Variants in TTC6 observed in about 807,000 individuals in gnomAD.
The protein encoded by TTC6 is tetratricopeptide repeat protein 6.
Under a neutral mutation model 210.4 loss-of-function variants are expected in TTC6, and 172 were observed. The ratio of observed to expected loss-of-function variants is 0.82; its 90% CI spans 0.72 to 0.93. TTC6 has a LOEUF of 0.93. Ranked by LOEUF, TTC6 falls within the 40% of genes least tolerant of loss-of-function variation. TTC6 has a pLI of 0.00. For missense variants in TTC6, 2,414 were observed against 2,318.1 expected (o/e 1.04, Z -0.85); for synonymous variants, 804 against 819.6 (o/e 0.98, Z 0.32).
intron 26 of TTC6, 90 bp downstream of exon 28, chr14:37,817,741 G>A: frequency 2.4e-6 from 3 of 1,263,470 alleles, no homozygotes; most frequent in Non-Finnish European, 3.4e-6. Context: ...GGAGAGAATG[G>A]AAGAAACTGG....
chr14:37,738,966 T>G (rs1161690169), exon 10 of TTC6: 1 of 1,535,332 alleles, frequency 6.5e-7, no homozygotes, highest in Non-Finnish European at 8.7e-7. Context: ...GATGACATCT[T>G]TGATAACATG....
chr14:37,693,289 A>G (rs1374403896), intron 3 of TTC6, among the ~76,000 whole-genome samples: 1 of 152,178 alleles, frequency 6.6e-6, no homozygotes, highest in Non-Finnish European at 1.5e-5. Context: ...AGTCCCATTT[A>G]CAAAATACCT....
chr14:37,606,881 C>A, intron 2 of TTC6, 139 bp downstream of exon 2: 1 of 586,478 alleles, frequency 1.7e-6, no homozygotes, highest in Non-Finnish European at 2.1e-6. Flanking sequence ...ACAGGAAAGG[C>A]TGCCTATGGG....
chr14:37,776,325 T>C (rs1389447963), intron 14 of TTC6, among the ~76,000 whole-genome samples: 1 of 152,144 alleles, frequency 6.6e-6, no homozygotes, highest in East Asian at 1.9e-4. Context: ...TCAAGGTTAG[T>C]GTTGATGTGT....
intron 10 of TTC6, among the ~76,000 whole-genome samples, chr14:37,740,489 A>T (rs1355023970): frequency 6.6e-6 from 1 of 151,894 alleles, no homozygotes; most frequent in Admixed American, 6.6e-5. Flanking sequence ...AGAATAAAAA[A>T]AATTGTTCAC....
intron 24 of TTC6, among the ~76,000 whole-genome samples, chr14:37,809,771 A>T (rs1316255840): frequency 6.6e-6 from 1 of 152,084 alleles, no homozygotes; most frequent in Non-Finnish European, 1.5e-5. Context: ...ACTCTTGTTT[A>T]TATTTTGTAA....
chr14:37,790,212 C>T (rs2096076378), intron 15 of TTC6, among the ~76,000 whole-genome samples: 1 of 152,080 alleles, frequency 6.6e-6, no homozygotes. Flanking sequence ...AGCCTCTTTG[C>T]TTGTCCATCC....
intron 30 of TTC6, 131 bp downstream of exon 32, chr14:37,841,801 A>G: frequency 1.3e-6 from 1 of 780,580 alleles, no homozygotes; most frequent in Non-Finnish European, 2.0e-6. Flanking sequence ...TTTAGATATC[A>G]TGTCCTTAAT....
At chr14:37,680,458 C>A (rs1222204483) in intron 2 of TTC6, among the ~76,000 whole-genome samples, 197 bp downstream of exon 4, 2 of 152,102 alleles carry the variant, frequency 1.3e-5, no homozygotes, top group Non-Finnish European at 2.9e-5. Context: ...TACCATGGAC[C>A]TTCTGAGCTA....
chr14:37,705,741 G>A (rs1296407834), intron 5 of TTC6, among the ~76,000 whole-genome samples: 2 of 134,480 alleles, frequency 1.5e-5, no homozygotes, highest in South Asian at 2.6e-4. Context: ...CTGTGAATGC[G>A]ACAATTAATA....
At chr14:37,789,945 T>A (rs986095208) in intron 15 of TTC6, among the ~76,000 whole-genome samples, 5 of 152,068 alleles carry the variant, frequency 3.3e-5, no homozygotes, top group African/African-American at 4.8e-5. Context: ...GCTTTAAAGA[T>A]ATCTGTCAAA....
chr14:37,804,090 G>A, intron 20 of TTC6, among the ~76,000 whole-genome samples: 1 of 151,940 alleles, frequency 6.6e-6, no homozygotes, highest in East Asian at 1.9e-4. Context: ...TGAAACTTTT[G>A]ACTATTTTGA....
intron 1 of TTC6, among the ~76,000 whole-genome samples, chr14:37,666,195 A>T (rs2095747606): frequency 6.7e-6 from 1 of 149,972 alleles, no homozygotes; most frequent in African/African-American, 2.4e-5. Context: ...ATTGGCCTTC[A>T]TGGCTGTGGT....
intron 1 of TTC6, among the ~76,000 whole-genome samples, chr14:37,665,830 G>T (rs2095746848): frequency 6.7e-6 from 1 of 150,276 alleles, no homozygotes; most frequent in Admixed American, 6.6e-5. Flanking sequence ...CACACTCTTT[G>T]TGATGAGATA....
chr14:37,617,413 A>G (rs1251621503), upstream of TTC6, among the ~76,000 whole-genome samples: 2 of 152,198 alleles, frequency 1.3e-5, no homozygotes, highest in Non-Finnish European at 2.9e-5. Flanking sequence ...GAGCTTTTGA[A>G]TAGCTCAGAG....
At chr14:37,813,988 A>G (rs892799509) in intron 25 of TTC6, among the ~76,000 whole-genome samples, 3 of 152,220 alleles carry the variant, frequency 2.0e-5, no homozygotes, top group South Asian at 2.1e-4. Context: ...TAGCTTTCCA[A>G]CTGGCTTAAG....
chr14:37,657,949 T>A (rs1267893127), intron 1 of TTC6, among the ~76,000 whole-genome samples: 1 of 152,194 alleles, frequency 6.6e-6, no homozygotes, highest in Admixed American at 6.5e-5. Context: ...ATGCATTTGT[T>A]CCAAAGAGAG....
At chr14:37,659,374 T>C (rs2095732019) in intron 1 of TTC6, among the ~76,000 whole-genome samples, 1 of 152,172 alleles carries the variant, frequency 6.6e-6, no homozygotes. Context: ...CTTTCCACAA[T>C]AGTTGAACTA....
intron 14 of TTC6, among the ~76,000 whole-genome samples, chr14:37,754,224 G>C (rs2095960860): frequency 6.6e-6 from 1 of 151,974 alleles, no homozygotes; most frequent in African/African-American, 2.4e-5. Flanking sequence ...TTGTCCTGAT[G>C]CTCTCCCTCC....
Sources: allele counts gnomAD v4.1 joint callset (sites outside exome capture counted in the v4.1 genomes callset), GRCh38; gene constraint gnomAD v4.1.1; transcripts MANE v1.5; gene names NCBI Gene and HGNC (gene_info 2026-07-23, HGNC 2026-07-21).